PHTF2: variants seen among roughly 807,000 people sequenced by gnomAD.
The protein encoded by PHTF2 is putative homeodomain transcription factor 2, also known as protein PHTF2.
PHTF2 carries 60 observed loss-of-function variants against 101.2 expected under a neutral mutation model. The ratio of observed to expected loss-of-function variants is 0.59; its 90% CI spans 0.48 to 0.73. PHTF2 has a LOEUF of 0.73. PHTF2 is among the 30% of genes least tolerant of loss of function. PHTF2 has a pLI of 0.00. For missense variants in PHTF2, 747 were observed against 908.7 expected (o/e 0.82, Z 2.29); for synonymous variants, 311 against 307.3 (o/e 1.01, Z -0.13).
chr7:77,900,304 G>C (rs1020539591), intron 5 of PHTF2, among the ~76,000 whole-genome samples: 1 of 152,154 alleles, frequency 6.6e-6, no homozygotes, highest in Non-Finnish European at 1.5e-5. Flanking sequence ...ACTGCTTTCT[G>C]AAATAATGCC....
intron 3 of PHTF2, among the ~76,000 whole-genome samples, chr7:77,882,532 A>G (rs1022307330): frequency 2.0e-5 from 3 of 152,168 alleles, no homozygotes; most frequent in Non-Finnish European, 2.9e-5. Context: ...CTTATAGTCA[A>G]TAATATTTAT....
intron 1 of PHTF2, among the ~76,000 whole-genome samples, chr7:77,804,002 G>T (rs1792775031): frequency 1.3e-5 from 2 of 152,084 alleles, no homozygotes; most frequent in Non-Finnish European, 2.9e-5. Context: ...GGATTTCAGT[G>T]CTGTGAATTA....
chr7:77,906,237 C>T (rs1801846944), intron 7 of PHTF2: 1 of 152,300 alleles, frequency 6.6e-6, no homozygotes, highest in African/African-American at 2.4e-5. Context: ...CTGCCGGCCT[C>T]AGCCTTCCAA....
chr7:77,865,138 T>C (rs1226433158), intron 3 of PHTF2, among the ~76,000 whole-genome samples: 1 of 152,186 alleles, frequency 6.6e-6, no homozygotes, highest in Non-Finnish European at 1.5e-5. Flanking sequence ...GATCCTCTTT[T>C]ACCATCCTAG....
intron 1 of PHTF2, among the ~76,000 whole-genome samples, chr7:77,826,990 T>TA (rs1481233620): frequency 1.3e-5 from 2 of 152,206 alleles, no homozygotes; most frequent in African/African-American, 2.4e-5. Context: ...TCCATTTAAA[T>TA]ACAGAAGAAA....
chr7:77,938,526 C>T lies in PHTF2; in HGVS notation c.1467+688C>T, dbSNP rs555932049. ...CGGGCGGATCACAAGGTCAGGAGAT[C>T]GAGACCATCCTGGCTAACATGGTGA... On this transcript the variant is annotated intron_variant, in intron 13 of 19. Transcript: ENST00000416283. Among the ~76,000 whole-genome samples the T allele has an allele frequency of 4.1e-3, 623 of 151,742 alleles. 8 individuals carry two copies. The highest frequency in any genetic ancestry group is 0.014 in the African/African-American group (595 of 41,398).
At chr7:77,932,697 C>A (rs1197086754) in intron 12 of PHTF2, among the ~76,000 whole-genome samples, 1 of 150,916 alleles carries the variant, frequency 6.6e-6, no homozygotes, top group Non-Finnish European at 1.5e-5. Context: ...TACTGCCTTG[C>A]CACATTGTTG....
At chr7:77,946,410 T>G (rs536495974) in intron 16 of PHTF2, among the ~76,000 whole-genome samples, 1 of 152,124 alleles carries the variant, frequency 6.6e-6, no homozygotes, top group Non-Finnish European at 1.5e-5. Flanking sequence ...TAGTCAGCAT[T>G]TGATGGAGGG....
intron 12 of PHTF2, among the ~76,000 whole-genome samples, chr7:77,930,677 G>A (rs1246519745): frequency 6.6e-6 from 1 of 152,156 alleles, no homozygotes; most frequent in East Asian, 1.9e-4. Context: ...CAGTTCTGAG[G>A]CCTGGAAGTC....
At chr7:77,870,098 A>G (rs1798392894) in intron 3 of PHTF2, among the ~76,000 whole-genome samples, 1 of 151,562 alleles carries the variant, frequency 6.6e-6, no homozygotes, top group Non-Finnish European at 1.5e-5. Flanking sequence ...ATGTAATTCC[A>G]TTTGTCTATT....
chr7:77,899,953 G>C (rs1801235226), intron 5 of PHTF2, among the ~76,000 whole-genome samples: 1 of 151,358 alleles, frequency 6.6e-6, no homozygotes, highest in South Asian at 2.1e-4. Context: ...CTAGTCTTAA[G>C]TAATAATTTA....
intron 13 of PHTF2, among the ~76,000 whole-genome samples, chr7:77,939,363 T>A (rs1317329845): frequency 6.6e-6 from 1 of 152,040 alleles, no homozygotes; most frequent in Non-Finnish European, 1.5e-5. Context: ...CTCAACACTT[T>A]GGGAGCTAGA....
chr7:77,894,443 C>A (rs1353219116), intron 5 of PHTF2, among the ~76,000 whole-genome samples: 2 of 152,074 alleles, frequency 1.3e-5, no homozygotes, highest in Non-Finnish European at 2.9e-5. Context: ...AGATTGAAAA[C>A]CAGTGTCTAT....
intron 1 of PHTF2, among the ~76,000 whole-genome samples, chr7:77,824,530 A>T (rs151146583): frequency 1.3e-5 from 2 of 152,016 alleles, no homozygotes; most frequent in Non-Finnish European, 2.9e-5. Flanking sequence ...GGTTCAGGCA[A>T]TTCTCCTGCC....
At chr7:77,882,369 A>T (rs1049217996) in intron 3 of PHTF2, among the ~76,000 whole-genome samples, 9 of 150,888 alleles carry the variant, frequency 6.0e-5, no homozygotes, top group Non-Finnish European at 1.2e-4. Context: ...AAAAAAAAAA[A>T]TTTATTTCTT....
At chr7:77,935,249 G>T in intron 12 of PHTF2, among the ~76,000 whole-genome samples, 1 of 108,732 alleles carries the variant, frequency 9.2e-6, no homozygotes. Context: ...TTCAGACGGA[G>T]TCCCACTCTG....
chr7:77,922,017 C>CT (rs35763664), intron 10 of PHTF2, among the ~76,000 whole-genome samples: 4,865 of 95,280 alleles, frequency 0.051, 162 homozygotes, highest in African/African-American at 0.067. Context: ...GTTTATATTC[C>CT]TTTTTTTTTT....
intron 1 of PHTF2, among the ~76,000 whole-genome samples, chr7:77,804,846 T>C (rs1792848105): frequency 6.6e-6 from 1 of 152,236 alleles, no homozygotes; most frequent in Non-Finnish European, 1.5e-5. Flanking sequence ...ATTATTGTCA[T>C]TTATTTCCTT....
intron 6 of PHTF2, among the ~76,000 whole-genome samples, chr7:77,901,327 A>C (rs1465668096): frequency 6.6e-6 from 1 of 152,194 alleles, no homozygotes; most frequent in East Asian, 1.9e-4. Context: ...AATAGTATTA[A>C]AAAGAGAGAA....
Sources: allele counts gnomAD v4.1 joint callset (sites outside exome capture counted in the v4.1 genomes callset), GRCh38; gene constraint gnomAD v4.1.1; transcripts MANE v1.5; gene names NCBI Gene and HGNC (gene_info 2026-07-23, HGNC 2026-07-21).